SLC25A21: variants seen among roughly 807,000 people sequenced by gnomAD.
The protein encoded by SLC25A21 is mitochondrial 2-oxodicarboxylate carrier.
Under a neutral mutation model 43.8 loss-of-function variants are expected in SLC25A21, and 47 were observed. That is an observed-to-expected ratio of 1.07 (90% CI 0.85 to 1.37). The LOEUF (loss-of-function observed/expected upper bound fraction) is 1.37, where lower values mean the gene tolerates loss of function less well. SLC25A21 is among the 40% of genes most tolerant of loss of function. SLC25A21 has a pLI of 0.00. For missense variants in SLC25A21, 352 were observed against 350.2 expected, an observed-to-expected ratio of 1.00 and a Z score of -0.04; for synonymous variants, 131 against 121.3, an observed-to-expected ratio of 1.08 and a Z score of -0.52.
intron 1 of SLC25A21, among the ~76,000 whole-genome samples, chr14:37,067,711 T>C (rs1261264945): frequency 2.6e-5 from 4 of 152,166 alleles, no homozygotes; most frequent in Non-Finnish European, 4.4e-5. Flanking sequence ...TGGCTGTAGA[T>C]TGGTGAAGCA....
intron 3 of SLC25A21, among the ~76,000 whole-genome samples, chr14:36,809,790 T>C (rs1888170367): frequency 6.6e-6 from 1 of 152,210 alleles, no homozygotes; most frequent in African/African-American, 2.4e-5. Context: ...GAGAGGCGAA[T>C]TCTCCTAATT....
At chr14:37,122,471 CA>C (rs1302356950) in intron 1 of SLC25A21, among the ~76,000 whole-genome samples, 2 of 152,148 alleles carry the variant, frequency 1.3e-5, no homozygotes, top group African/African-American at 4.8e-5. Flanking sequence ...GGCCAGGACT[CA>C]ATTAATTACT....
chr14:36,861,385 C>G (rs2138531964), intron 2 of SLC25A21, among the ~76,000 whole-genome samples: 2 of 152,284 alleles, frequency 1.3e-5, no homozygotes, highest in Middle Eastern at 3.4e-3. Flanking sequence ...GGCTTGATTC[C>G]CATATGCTCG....
At chr14:36,792,465 AG>A (rs1566618501) in intron 3 of SLC25A21, among the ~76,000 whole-genome samples, 1 of 152,174 alleles carries the variant, frequency 6.6e-6, no homozygotes, top group African/African-American at 2.4e-5. Flanking sequence ...CCCACAGTCA[AG>A]AGCTGTAACA....
intron 1 of SLC25A21, among the ~76,000 whole-genome samples, chr14:37,144,610 G>C (rs923798293): frequency 6.6e-6 from 1 of 152,098 alleles, no homozygotes; most frequent in South Asian, 2.1e-4. Flanking sequence ...ATGAAATCCA[G>C]GTTTGAGCAC....
rs1276346790 is a variant in SLC25A21, at chr14:37,172,335, C to G, written c.16G>C (p.Glu6Gln). Reference sequence around the variant, plus strand: ...GAAGCCTCGCGCACTAAGCTGACTTCAGGCTTGGCGGACATCTTCGCCAGG... The same window carrying G: ...GAAGCCTCGCGCACTAAGCTGACTTGAGGCTTGGCGGACATCTTCGCCAGG... MSAKP[E>Q]VSLVREASRQ... Residue 6 changes from glutamate to glutamine, a missense_variant, in exon 1 of 10, where the codon GAA (glutamate) becomes CAA (glutamine). Physicochemically the swap from Glu to Gln is conservative, Grantham distance 29. Coordinates refer to ENST00000331299, the MANE Select transcript of SLC25A21 (RefSeq NM_030631.4). 1 of 1,601,932 alleles carries G rather than the reference C, an allele frequency of 6.2e-7. No homozygotes were observed. Among genetic ancestry groups the G allele is most frequent in the Non-Finnish European group, 8.5e-7 (1 of 1,174,452 alleles).
chr14:36,939,831 C>G (rs761705062), intron 1 of SLC25A21, among the ~76,000 whole-genome samples: 10 of 152,102 alleles, frequency 6.6e-5, no homozygotes, highest in Non-Finnish European at 1.3e-4. Flanking sequence ...AAAATCAAAA[C>G]TGAATGAATG....
chr14:37,107,576 T>C (rs1676551581), intron 1 of SLC25A21, among the ~76,000 whole-genome samples: 1 of 152,162 alleles, frequency 6.6e-6, no homozygotes, highest in Non-Finnish European at 1.5e-5. Context: ...ACCAGGTATA[T>C]ATAGTGTCTA....
chr14:37,062,004 G>A (rs1225221625), intron 1 of SLC25A21, among the ~76,000 whole-genome samples: 1 of 146,252 alleles, frequency 6.8e-6, no homozygotes, highest in African/African-American at 2.5e-5. Flanking sequence ...TGGGAAAATG[G>A]TCCAAACAGT....
intron 1 of SLC25A21, among the ~76,000 whole-genome samples, chr14:36,925,752 C>T: frequency 6.6e-6 from 1 of 152,248 alleles, no homozygotes; most frequent in Middle Eastern, 3.4e-3. Context: ...GAGGCTGAGG[C>T]AGGAGAATTG....
intron 1 of SLC25A21, among the ~76,000 whole-genome samples, chr14:37,014,769 GA>G (rs1960809183): frequency 6.6e-6 from 1 of 152,102 alleles, no homozygotes; most frequent in Non-Finnish European, 1.5e-5. Context: ...CTTGAACATT[GA>G]AATTACTCCT....
chr14:36,895,960 C>G lies in SLC25A21; in HGVS notation c.71-20956G>C, dbSNP rs1891226738. Among the ~76,000 whole-genome samples, 4 of 152,098 alleles carry G rather than the reference C, an allele frequency of 2.6e-5. No homozygotes were observed. The South Asian group carries it at 6.2e-4, about 24-fold the overall frequency. On this transcript the variant is annotated intron_variant, in intron 1 of 9. Transcript: ENST00000331299. ...TTGCTGAGGAGAGCTTTACTTCCAT[C>G]TGTGTGGTCAATTTTGGAATAGGTG...
intron 2 of SLC25A21, among the ~76,000 whole-genome samples, chr14:36,851,259 A>G (rs1889725831): frequency 6.6e-6 from 1 of 152,194 alleles, no homozygotes; most frequent in Non-Finnish European, 1.5e-5. Context: ...GAAGAAAAAG[A>G]GCCAAGCAAT....
chr14:37,083,318 G>A (rs1433382132), intron 1 of SLC25A21, among the ~76,000 whole-genome samples: 1 of 152,164 alleles, frequency 6.6e-6, no homozygotes, highest in African/African-American at 2.4e-5. Context: ...TGTAGTTGCA[G>A]CTATATACTT....
intron 1 of SLC25A21, among the ~76,000 whole-genome samples, chr14:37,151,327 A>C (rs1963755678): frequency 6.6e-6 from 1 of 152,168 alleles, no homozygotes; most frequent in Admixed American, 6.5e-5. Flanking sequence ...GTGAGGGTGG[A>C]GGCTTGGCCC....
chr14:36,781,096 T>C (rs369185204), intron 3 of SLC25A21, among the ~76,000 whole-genome samples: 4 of 152,194 alleles, frequency 2.6e-5, no homozygotes, highest in African/African-American at 7.2e-5. Flanking sequence ...TCTCTTGTTA[T>C]AGATTTTGGC....
chr14:36,910,492 T>C (rs1891658483), intron 1 of SLC25A21, among the ~76,000 whole-genome samples: 1 of 152,180 alleles, frequency 6.6e-6, no homozygotes, highest in Admixed American at 6.6e-5. Flanking sequence ...GGGAAGGTTT[T>C]GTAACATTAG....
intron 1 of SLC25A21, among the ~76,000 whole-genome samples, chr14:36,905,377 C>CATTGAG (rs1226077612): frequency 4.6e-5 from 7 of 152,142 alleles, no homozygotes; most frequent in African/African-American, 1.7e-4. Context: ...CATATTGAAT[C>CATTGAG]AATATTCCTG....
intron 1 of SLC25A21, among the ~76,000 whole-genome samples, chr14:37,101,763 G>T (rs1323673166): frequency 6.6e-6 from 1 of 152,044 alleles, no homozygotes; most frequent in East Asian, 1.9e-4. Context: ...GCCCATATAG[G>T]TATAGAAAAT....
Sources: allele counts gnomAD v4.1 joint callset (sites outside exome capture counted in the v4.1 genomes callset), GRCh38; gene constraint gnomAD v4.1.1; transcripts MANE v1.5; gene names NCBI Gene and HGNC (gene_info 2026-07-23, HGNC 2026-07-21).